The following FMN2 variants were observed in gnomAD, a reference collection of about 807,000 sequenced individuals.
FMN2 encodes formin 2, also known as formin-2.
In FMN2, 51 loss-of-function variants were observed where a neutral mutation model predicts 142.3. That is an observed-to-expected ratio of 0.36 (90% CI 0.29 to 0.45). FMN2 has a LOEUF of 0.45. FMN2 is among the 20% of genes least tolerant of loss of function. The pLI, the probability that FMN2 is intolerant of heterozygous loss-of-function variation, is 1.00. For missense variants in FMN2, 1,936 were observed against 2,122.8 expected, an observed-to-expected ratio of 0.91 and a Z score of 1.73; for synonymous variants, 882 against 869.8, an observed-to-expected ratio of 1.01 and a Z score of -0.25.
chr1:240,381,610 A>G (rs1673228318), intron 14 of FMN2, among the ~76,000 whole-genome samples: 1 of 152,082 alleles, frequency 6.6e-6, no homozygotes, highest in East Asian at 1.9e-4. Flanking sequence ...TTGTATTTTT[A>G]GTAGATACGG....
intron 8 of FMN2, among the ~76,000 whole-genome samples, chr1:240,319,766 T>C (rs1277897334): frequency 6.6e-6 from 1 of 152,170 alleles, no homozygotes; most frequent in Admixed American, 6.5e-5. Context: ...GTTCGTGTAT[T>C]TGGCCATAAG....
At chr1:240,198,443 T>C (rs1279702460) in intron 4 of FMN2, among the ~76,000 whole-genome samples, 3 of 152,194 alleles carry the variant, frequency 2.0e-5, no homozygotes, top group Non-Finnish European at 2.9e-5. Context: ...TTCTCAGTCA[T>C]CCGTGAAGGA....
chr1:240,159,830 A>G (rs1213795412), intron 2 of FMN2, among the ~76,000 whole-genome samples: 1 of 149,464 alleles, frequency 6.7e-6, no homozygotes, highest in Non-Finnish European at 1.5e-5. Context: ...CTCTCTCTTG[A>G]GTGCTTAGAT....
At chr1:240,160,055 G>A (rs1327244616) in intron 2 of FMN2, among the ~76,000 whole-genome samples, 1 of 131,300 alleles carries the variant, frequency 7.6e-6, no homozygotes, top group Non-Finnish European at 1.6e-5. Flanking sequence ...TTTTTTTTTT[G>A]TTATTAATAA....
At chr1:240,407,226 T>G (rs1674240097) in intron 15 of FMN2, among the ~76,000 whole-genome samples, 1 of 151,916 alleles carries the variant, frequency 6.6e-6, no homozygotes, top group African/African-American at 2.4e-5. Context: ...CAACCTCCGC[T>G]GCCCGGGTTC....
intron 1 of FMN2, among the ~76,000 whole-genome samples, chr1:240,098,519 A>G (rs553328864): frequency 1.4e-3 from 206 of 152,282 alleles, no homozygotes; most frequent in Non-Finnish European, 2.5e-3. Flanking sequence ...CAGAGTATAG[A>G]TGTCCAGTTA....
intron 8 of FMN2, among the ~76,000 whole-genome samples, chr1:240,299,463 G>A (rs1380993579): frequency 6.6e-6 from 1 of 151,986 alleles, no homozygotes. Flanking sequence ...TAAAAATAAG[G>A]TAATTTCAGA....
rs187040258 is a variant in FMN2 at position 240,147,084 on chromosome 1, G to A, written c.1782+23739G>A. Among the ~76,000 whole-genome samples, 349 of 152,200 alleles carry A rather than the reference G, an allele frequency of 2.3e-3. 4 individuals are homozygous for A. The highest frequency in any genetic ancestry group is 7.9e-3 in the African/African-American group (328 of 41,526). ...TGGAGGAGCAAGTCATAGAAAATTG[G>A]GGCTTTTTTTTCTTGTTTCTTCATG... is the stretch of plus-strand genomic sequence containing the variant. On this transcript the variant is annotated intron_variant, in intron 2 of 17. Coordinates refer to ENST00000319653, the MANE Select transcript of FMN2 (RefSeq NM_020066.5).
chr1:240,470,262 A>G (rs1164378089), intron 16 of FMN2, among the ~76,000 whole-genome samples: 5 of 152,006 alleles, frequency 3.3e-5, no homozygotes, highest in African/African-American at 9.7e-5. Flanking sequence ...TTCAACTTAA[A>G]TTTACTGGTA....
chr1:240,205,803 G>C (rs1265678372), intron 4 of FMN2, among the ~76,000 whole-genome samples: 2 of 151,518 alleles, frequency 1.3e-5, no homozygotes, highest in South Asian at 4.2e-4. Context: ...TTTCTTGAAG[G>C]GTTCCTGGTT....
At chr1:240,454,194 T>TC (rs1676152368) in intron 16 of FMN2, among the ~76,000 whole-genome samples, 1 of 150,434 alleles carries the variant, frequency 6.6e-6, no homozygotes, top group Non-Finnish European at 1.5e-5. Context: ...GCGTTTTCTC[T>TC]TTTTTGTCTC....
intron 14 of FMN2, among the ~76,000 whole-genome samples, chr1:240,385,157 G>GT (rs1307668174): frequency 6.6e-6 from 1 of 152,074 alleles, no homozygotes; most frequent in Non-Finnish European, 1.5e-5. Flanking sequence ...CACATCAGAA[G>GT]TTTTTTTGGC....
At chr1:240,305,953 T>C (rs1670376155) in intron 8 of FMN2, among the ~76,000 whole-genome samples, 1 of 89,950 alleles carries the variant, frequency 1.1e-5, no homozygotes, top group South Asian at 3.7e-4. Flanking sequence ...GCTTGTAAGT[T>C]TTTTTTTTTT....
chr1:240,225,635 T>G (rs1384724150), intron 6 of FMN2, among the ~76,000 whole-genome samples: 1 of 152,144 alleles, frequency 6.6e-6, no homozygotes, highest in East Asian at 1.9e-4. Context: ...AAATGTCTAG[T>G]TTTCAACAAC....
chr1:240,350,447 G>C (rs1207290768), intron 13 of FMN2, among the ~76,000 whole-genome samples: 1 of 152,332 alleles, frequency 6.6e-6, no homozygotes, highest in East Asian at 1.9e-4. Flanking sequence ...TTGACACACA[G>C]AGGTGAATAG....
chr1:240,336,048 C>A (rs934242973), intron 13 of FMN2, among the ~76,000 whole-genome samples: 1 of 152,104 alleles, frequency 6.6e-6, no homozygotes, highest in African/African-American at 2.4e-5. Context: ...GAGCCTGAGG[C>A]AGGAGAATCA....
intron 2 of FMN2, among the ~76,000 whole-genome samples, chr1:240,171,702 A>G (rs1030959440): frequency 2.0e-5 from 3 of 152,202 alleles, no homozygotes; most frequent in African/African-American, 7.2e-5. Flanking sequence ...TCTGGTGGAC[A>G]CACTATGATA....
Position 240,233,120 on chromosome 1 carries a change from C to T in FMN2, c.4065+21885C>T, listed in dbSNP as rs563094840. Among the ~76,000 whole-genome samples the T allele has an allele frequency of 3.3e-5, 5 of 152,292 alleles. No individual in the cohort carries two copies. In the South Asian group the frequency reaches 1.0e-3, roughly 32 times the overall value. ...TGATGGCCGGGCTTGGTGGCTCACT[C>T]CTGTAATCCCAGCACTTTGGGAGGC... is the stretch of plus-strand genomic sequence containing the variant. On this transcript the variant is annotated intron_variant, in intron 6 of 17. Transcript: ENST00000319653.
intron 13 of FMN2, among the ~76,000 whole-genome samples, chr1:240,344,450 G>A (rs1423893170): frequency 2.6e-5 from 4 of 152,120 alleles, no homozygotes; most frequent in African/African-American, 7.2e-5. Context: ...TCCCAAAGTT[G>A]ATAAGCCTCA....
Sources: gnomAD v4.1 joint callset for allele counts (sites outside exome capture counted in the v4.1 genomes callset) on GRCh38, gnomAD v4.1.1 for gene constraint, MANE v1.5 for transcripts, NCBI Gene and HGNC (gene_info 2026-07-23, HGNC 2026-07-21) for gene names.